The following SGK3 variants were observed in gnomAD, a reference collection of about 807,000 sequenced individuals.
SGK3 encodes the protein serum/glucocorticoid regulated kinase family member 3, also known as serine/threonine-protein kinase Sgk3.
A neutral mutation model predicts 68.5 loss-of-function variants in SGK3; 47 were observed. The ratio of observed to expected loss-of-function variants is 0.69; its 90% CI spans 0.54 to 0.87. SGK3 has a LOEUF of 0.87. Among genes scored for constraint, SGK3 ranks in the 40% least tolerant of loss-of-function variants. SGK3 has a pLI of 0.00. For missense variants in SGK3, 479 were observed against 575.5 expected, an observed-to-expected ratio of 0.83 and a Z score of 1.72; for synonymous variants, 181 against 189.1, an observed-to-expected ratio of 0.96 and a Z score of 0.35.
At chr8:66,835,727 T>C in intron 8 of SGK3, 36 bp from the exon 9 acceptor site, 1 of 1,575,272 alleles carries the variant, frequency 6.3e-7, no homozygotes, top group Non-Finnish European at 8.6e-7. Flanking sequence ...AAATTTGAAA[T>C]TTCTAATAGT....
chr8:66,789,482 ATC>A (rs1297951960), intron 1 of SGK3, among the ~76,000 whole-genome samples: 1 of 152,174 alleles, frequency 6.6e-6, no homozygotes, highest in Non-Finnish European at 1.5e-5. Context: ...TACTAAGTAT[ATC>A]TGTTTCCACT....
At chr8:66,836,845 C>T (rs1022490977) in intron 10 of SGK3, among the ~76,000 whole-genome samples, 4 of 146,602 alleles carry the variant, frequency 2.7e-5, no homozygotes, top group South Asian at 2.2e-4. Flanking sequence ...GGTCACAGCT[C>T]GCTACAGCCT....
At chr8:66,789,124 A>G (rs80353212) in intron 1 of SGK3, among the ~76,000 whole-genome samples, 1 of 119,980 alleles carries the variant, frequency 8.3e-6, no homozygotes, top group Admixed American at 8.2e-5. Context: ...TTTTATTCAG[A>G]AAAAAAAAAA....
chr8:66,860,578 C>T lies in SGK3; in HGVS notation c.*997C>T, dbSNP rs1270544463. On this transcript the variant is annotated 3_prime_UTR_variant, in exon 17 of 17. Transcript: ENST00000521198. Reference sequence around the variant, plus strand: ...TTAATGGTTAGGATTTTTAAGTATTCCCAAAGATCTGAAGGGTAATAAAAT... The same window carrying T: ...TTAATGGTTAGGATTTTTAAGTATTTCCAAAGATCTGAAGGGTAATAAAAT... 2.0e-5 allele frequency: 3 copies of T among 152,036 alleles called. No homozygotes were observed. Among genetic ancestry groups the T allele is most frequent in the Non-Finnish European group, 4.4e-5 (3 of 68,014 alleles). 9.4% of individuals were successfully genotyped at this position (152,036 alleles called of 1,614,324 possible).
At chr8:66,814,540 A>G (rs1433659586) in intron 5 of SGK3, among the ~76,000 whole-genome samples, 1 of 152,226 alleles carries the variant, frequency 6.6e-6, no homozygotes, top group Non-Finnish European at 1.5e-5. Flanking sequence ...TTTCATGGTG[A>G]CTGGAGCTGA....
chr8:66,809,837 TA>T (rs2130629929), intron 4 of SGK3, among the ~76,000 whole-genome samples: 1 of 152,332 alleles, frequency 6.6e-6, no homozygotes, highest in East Asian at 1.9e-4. Context: ...GATCTGCTTC[TA>T]AGATGGCTCA....
intron 1 of SGK3, among the ~76,000 whole-genome samples, chr8:66,739,689 C>T (rs1318516125): frequency 6.6e-6 from 1 of 152,192 alleles, no homozygotes. Flanking sequence ...AGCCACAGTA[C>T]CCAGCCGACA....
intron 1 of SGK3, among the ~76,000 whole-genome samples, chr8:66,723,115 ATATATATATATATATATTTTTTTT>A (rs1275213618): frequency 4.1e-5 from 2 of 48,778 alleles, no homozygotes; most frequent in African/African-American, 1.8e-4. Context: ...ATATATATAT[ATATATATATATATATATTTTTTTT>A]TTTTTTTTTT....
At chr8:66,717,233 AAAAC>A (rs1804662248) in intron 1 of SGK3, among the ~76,000 whole-genome samples, 1 of 116,242 alleles carries the variant, frequency 8.6e-6, no homozygotes, top group Non-Finnish European at 1.6e-5. Context: ...AAAAACAAAA[AAAAC>A]AAAAAAAAAA....
At chr8:66,782,027 T>C (rs745969262) in intron 1 of SGK3, among the ~76,000 whole-genome samples, 1 of 152,244 alleles carries the variant, frequency 6.6e-6, no homozygotes, top group Non-Finnish European at 1.5e-5. Flanking sequence ...GAATTTAATT[T>C]ACAGATGTGA....
chr8:66,835,746 A>C lies in SGK3; in HGVS notation c.526-17A>C. 6.2e-7 allele frequency: 1 copy of C among 1,606,510 alleles called. No individual in the cohort carries two copies. Among genetic ancestry groups the C allele is most frequent in the Non-Finnish European group, 8.5e-7 (1 of 1,178,120 alleles). On this transcript the variant is annotated splice_polypyrimidine_tract_variant and intron_variant, in intron 8 of 16. Coordinates refer to ENST00000521198, the MANE Select transcript of SGK3 (RefSeq NM_001033578.3). Reference sequence around the variant, plus strand: ...TTGAAATTTCTAATAGTATACACTAATGTTTAACTATAACAGGTTCTTCTT... The same window carrying C: ...TTGAAATTTCTAATAGTATACACTACTGTTTAACTATAACAGGTTCTTCTT...
At position 66,752,810 on chromosome 8, in the gene SGK3, A is replaced by G. The variant is rs369102637; in HGVS notation, c.-122+39977A>G. 8.7e-4 allele frequency among the ~76,000 whole-genome samples: 132 copies of G among 152,166 alleles called. 2 individuals are homozygous for G. Among genetic ancestry groups the G allele is most frequent in the South Asian group, 1.9e-3 (9 of 4,822 alleles). On this transcript the variant is annotated intron_variant, in intron 1 of 16. Coordinates refer to ENST00000521198, the MANE Select transcript of SGK3 (RefSeq NM_001033578.3). Reference sequence around the variant, plus strand: ...ACATTGCTTGGGGAGAAGGGAGAGTAAAGGGAAGTGGGGAGTTTGAAGGGA... The same window carrying G: ...ACATTGCTTGGGGAGAAGGGAGAGTGAAGGGAAGTGGGGAGTTTGAAGGGA...
intron 1 of SGK3, among the ~76,000 whole-genome samples, chr8:66,719,654 C>T (rs1804742905): frequency 6.6e-6 from 1 of 152,136 alleles, no homozygotes; most frequent in Non-Finnish European, 1.5e-5. Flanking sequence ...ATATAGACAT[C>T]TATAGATCTA....
chr8:66,829,867 A>ATTTT (rs10689856), intron 7 of SGK3, among the ~76,000 whole-genome samples: 125 of 137,756 alleles, frequency 9.1e-4, no homozygotes, highest in African/African-American at 2.5e-3. Flanking sequence ...CAAAAAATGG[A>ATTTT]TTTTTTTTTT....
chr8:66,736,574 T>C (rs1196053289), intron 1 of SGK3, among the ~76,000 whole-genome samples: 1 of 151,768 alleles, frequency 6.6e-6, no homozygotes, highest in Admixed American at 6.6e-5. Context: ...CCTCCTTCGT[T>C]AGCCTCCCCA....
intron 1 of SGK3, among the ~76,000 whole-genome samples, chr8:66,745,558 A>G (rs748891756): frequency 3.3e-5 from 5 of 151,936 alleles, no homozygotes; most frequent in African/African-American, 4.9e-5. Flanking sequence ...TGGGCAACAG[A>G]GAGAGACTGT....
At position 66,839,531 on chromosome 8, in the gene SGK3, ATATATATATATATATATATATATATATT is replaced by A. The variant is rs1456103292; in HGVS notation, c.742-470_742-443del. 1.2e-3 allele frequency among the ~76,000 whole-genome samples: 84 copies of A among 69,198 alleles called. 2 individuals carry two copies. The highest frequency in any genetic ancestry group is 4.2e-3 in the African/African-American group (75 of 18,034). The allele number at this position is 69,198 out of a possible 152,430, so 45.4% of individuals were successfully genotyped here. A position where few individuals can be genotyped will look rare whatever the true frequency, so the allele number is the denominator to read the frequency against. ...TATATATATATATATATATATATAT[ATATATATATATATATATATATATATATT>A]TTCATATGGGTTATATTTGTTCTGC... On this transcript the variant is annotated intron_variant, in intron 10 of 16. Transcript: ENST00000521198.
intron 8 of SGK3, among the ~76,000 whole-genome samples, chr8:66,833,977 C>T (rs1042653754): frequency 5.9e-5 from 9 of 152,226 alleles, no homozygotes; most frequent in African/African-American, 1.7e-4. Context: ...AGGCGTGAGC[C>T]ACCACACCCA....
At chr8:66,764,067 T>C (rs1806248300) in intron 1 of SGK3, among the ~76,000 whole-genome samples, 1 of 152,110 alleles carries the variant, frequency 6.6e-6, no homozygotes, top group Non-Finnish European at 1.5e-5. Flanking sequence ...TTTACTGTGT[T>C]GCCTAGGCTG....
Sources: allele counts gnomAD v4.1 joint callset (sites outside exome capture counted in the v4.1 genomes callset), GRCh38; gene constraint gnomAD v4.1.1; transcripts MANE v1.5; gene names NCBI Gene and HGNC (gene_info 2026-07-23, HGNC 2026-07-21).